CACNA2D3: variants seen among roughly 807,000 people sequenced by gnomAD.
CACNA2D3 encodes voltage-dependent calcium channel subunit alpha-2/delta-3.
In CACNA2D3, 60 loss-of-function variants were observed where a neutral mutation model predicts 160.6. The ratio of observed to expected loss-of-function variants is 0.37; its 90% confidence interval spans 0.30 to 0.46. CACNA2D3 has a LOEUF of 0.46. Ranked by LOEUF, CACNA2D3 falls within the 20% of genes least tolerant of loss-of-function variation. The pLI is 1.00. For synonymous variants in CACNA2D3, 558 were observed against 492.9 expected (o/e 1.13, Z -1.75); for missense variants, 1,205 against 1,365.0 (o/e 0.88, Z 1.85).
chr3:54,323,080 G>C (rs562098752), intron 3 of CACNA2D3, among the ~76,000 whole-genome samples: 1 of 152,324 alleles, frequency 6.6e-6, no homozygotes, highest in Admixed American at 6.5e-5. Flanking sequence ...TCACGTAGGG[G>C]TTTAGTCTGG....
chr3:54,464,377 G>T (rs1276130304), intron 4 of CACNA2D3, among the ~76,000 whole-genome samples: 1 of 152,216 alleles, frequency 6.6e-6, no homozygotes, highest in Non-Finnish European at 1.5e-5. Context: ...GCCCCCAGAG[G>T]TGGAGCCTAC....
In CACNA2D3 at chr3:54,336,778, C is replaced by A. The variant is rs532821214; in HGVS notation, c.321+16220C>A. Among the ~76,000 whole-genome samples the A allele has an allele frequency of 4.6e-5, 7 of 152,234 alleles. No individual in the cohort carries two copies. In the South Asian group the frequency reaches 1.5e-3, roughly 32 times the overall value. ...TGCAAAAGCAGTGATCACATAGCAA[C>A]CCACACTGATCTTGAGCGAAACAAT... On this transcript the variant is annotated intron_variant, in intron 3 of 37. Transcript: ENST00000474759.
At chr3:54,876,720 A>T (rs930541827) in intron 18 of CACNA2D3, among the ~76,000 whole-genome samples, 3 of 152,206 alleles carry the variant, frequency 2.0e-5, no homozygotes, top group African/African-American at 7.2e-5. Flanking sequence ...TGTAAAATGG[A>T]GATAATAACA....
At chr3:54,368,909 G>A (rs894100044) in intron 3 of CACNA2D3, among the ~76,000 whole-genome samples, 1 of 151,514 alleles carries the variant, frequency 6.6e-6, no homozygotes, top group African/African-American at 2.4e-5. Context: ...CATTGTGTTA[G>A]CCAGGATAGT....
intron 5 of CACNA2D3, among the ~76,000 whole-genome samples, chr3:54,512,052 T>C (rs1701468023): frequency 6.6e-6 from 1 of 152,006 alleles, no homozygotes; most frequent in South Asian, 2.1e-4. Context: ...ATGCCACAGG[T>C]CCCCCTGTTT....
At chr3:54,397,637 T>A (rs1386601147) in intron 4 of CACNA2D3, among the ~76,000 whole-genome samples, 13 of 93,658 alleles carry the variant, frequency 1.4e-4, no homozygotes, top group African/African-American at 4.2e-4. Context: ...TTGAGTGAGA[T>A]TCTTAATCCT....
At chr3:54,465,051 TCTC>T (rs1019470122) in intron 4 of CACNA2D3, among the ~76,000 whole-genome samples, 5 of 152,018 alleles carry the variant, frequency 3.3e-5, no homozygotes, top group Non-Finnish European at 5.9e-5. Flanking sequence ...TTTCTTTTCT[TCTC>T]CTTTTTTTTT....
chr3:54,215,671 C>T (rs1293202390), intron 2 of CACNA2D3, among the ~76,000 whole-genome samples: 14 of 152,160 alleles, frequency 9.2e-5, no homozygotes, highest in Non-Finnish European at 4.4e-5. Flanking sequence ...ACCTGTTACT[C>T]AGCCGCAGTG....
At chr3:54,944,009 A>T (rs532384658) in intron 27 of CACNA2D3, among the ~76,000 whole-genome samples, 5 of 152,282 alleles carry the variant, frequency 3.3e-5, no homozygotes, top group African/African-American at 1.2e-4. Flanking sequence ...TAACCATTTG[A>T]CTGGCCATAG....
chr3:54,919,903 A>T (rs568420581), intron 27 of CACNA2D3, among the ~76,000 whole-genome samples: 1 of 152,060 alleles, frequency 6.6e-6, no homozygotes, highest in Non-Finnish European at 1.5e-5. Flanking sequence ...TTTCCACTAC[A>T]CTCGCTGCCT....
intron 2 of CACNA2D3, among the ~76,000 whole-genome samples, chr3:54,264,543 C>T (rs575474228): frequency 6.6e-6 from 1 of 152,278 alleles, no homozygotes; most frequent in East Asian, 1.9e-4. Context: ...TTTAATGTCT[C>T]ACTCGTTTCT....
intron 11 of CACNA2D3, among the ~76,000 whole-genome samples, chr3:54,647,361 A>T (rs1699671379): frequency 6.6e-6 from 1 of 152,262 alleles, no homozygotes; most frequent in African/African-American, 2.4e-5. Context: ...AAGCATCCGC[A>T]AGCCTAGTGG....
intron 5 of CACNA2D3, among the ~76,000 whole-genome samples, chr3:54,538,714 C>T (rs769126658): frequency 2.0e-5 from 3 of 152,160 alleles, no homozygotes; most frequent in Non-Finnish European, 2.9e-5. Flanking sequence ...GCCTTTGGCC[C>T]TGGTGCAAAG....
At chr3:55,073,057 C>T (rs1704848808) in intron 35 of CACNA2D3, among the ~76,000 whole-genome samples, 1 of 152,096 alleles carries the variant, frequency 6.6e-6, no homozygotes, top group South Asian at 2.1e-4. Flanking sequence ...GAGAAAACGC[C>T]ACTTAGAGGA....
chr3:55,066,366 C>CTAGG (rs564000554), intron 35 of CACNA2D3, among the ~76,000 whole-genome samples: 177 of 152,272 alleles, frequency 1.2e-3, no homozygotes, highest in Non-Finnish European at 2.0e-3. Flanking sequence ...AGGGTCAAAA[C>CTAGG]GTTTTAAGAT....
chr3:54,791,078 A>G (rs1351743813), intron 13 of CACNA2D3, among the ~76,000 whole-genome samples: 1 of 151,048 alleles, frequency 6.6e-6, no homozygotes, highest in East Asian at 1.9e-4. Flanking sequence ...TAGTCTATGG[A>G]TGTTCCTCCA....
intron 10 of CACNA2D3, among the ~76,000 whole-genome samples, chr3:54,635,769 C>T (rs1056353971): frequency 6.6e-6 from 1 of 151,738 alleles, no homozygotes; most frequent in African/African-American, 2.4e-5. Context: ...TCACTGAATA[C>T]TAAGAGCCTG....
rs149078175 is a variant in CACNA2D3 at position 54,926,039 on chromosome 3, C to T, written c.2449+26171C>T. 2.8e-3 allele frequency among the ~76,000 whole-genome samples: 424 copies of T among 152,106 alleles called. 1 individual carries two copies. Among genetic ancestry groups the T allele is most frequent in the African/African-American group, 9.8e-3 (408 of 41,530 alleles). On this transcript the variant is annotated intron_variant, in intron 27 of 37. Transcript: ENST00000474759. The stretch of plus-strand genomic sequence containing the variant: ...GTACTTCCTTGATTCTTTTTTCTTT[C>T]AACTCAGAAGAGCAATGCATTACTT...
chr3:54,850,283 G>A (rs2003958), intron 17 of CACNA2D3, among the ~76,000 whole-genome samples: 13,490 of 152,198 alleles, frequency 0.089, 1,252 homozygotes, highest in African/African-American at 0.24. Context: ...TGCAGCACAA[G>A]TGGGGACAGA....
Sources: gnomAD v4.1 joint callset for allele counts (sites outside exome capture counted in the v4.1 genomes callset) on GRCh38, gnomAD v4.1.1 for gene constraint, MANE v1.5 for transcripts, NCBI Gene and HGNC (gene_info 2026-07-23, HGNC 2026-07-21) for gene names.